The following NINJ2 variants were observed in gnomAD, a reference collection of about 807,000 sequenced individuals.
The protein encoded by NINJ2 is ninjurin-2.
In NINJ2, 12 loss-of-function variants were observed where a neutral mutation model predicts 11.7. The observed-to-expected ratio is 1.02, with a 90% confidence interval of 0.66 to 1.66. NINJ2 has a LOEUF of 1.66. Among genes scored for constraint, NINJ2 ranks in the 40% most tolerant of loss-of-function variants. The pLI, the probability that NINJ2 is intolerant of heterozygous loss-of-function variation, is 0.00. For missense variants in NINJ2, 187 were observed against 181.8 expected (o/e 1.03, Z -0.16); for synonymous variants, 93 against 76.8 (o/e 1.21, Z -1.10).
At chr12:623,969 A>G (rs1948184309) in intron 1 of NINJ2, among the ~76,000 whole-genome samples, 1 of 152,160 alleles carries the variant, frequency 6.6e-6, no homozygotes, top group Non-Finnish European at 1.5e-5. Flanking sequence ...TCAGGAGGTC[A>G]AGGCTGCAGT....
intron 1 of NINJ2, among the ~76,000 whole-genome samples, chr12:658,994 G>T (rs1937916904): frequency 1.3e-5 from 2 of 149,624 alleles, no homozygotes; most frequent in Admixed American, 1.3e-4. Context: ...ACCTAAAACT[G>T]CTATTACATA....
At chr12:638,417 T>TTTTG (rs10633949) in intron 1 of NINJ2, among the ~76,000 whole-genome samples, 123,933 of 151,702 alleles carry the variant, frequency 0.82, 50,858 homozygotes, top group Non-Finnish European at 0.85. Flanking sequence ...ACATTTAGTT[T>TTTTG]TTTGTTTGTT....
intron 3 of NINJ2, among the ~76,000 whole-genome samples, chr12:564,923 C>G (rs1356270471): frequency 6.6e-6 from 1 of 152,266 alleles, no homozygotes; most frequent in Non-Finnish European, 1.5e-5. Flanking sequence ...AATTCCCCAT[C>G]TCCACCTTTC....
At chr12:576,559 G>A (rs1327648209) in intron 1 of NINJ2, among the ~76,000 whole-genome samples, 2 of 152,208 alleles carry the variant, frequency 1.3e-5, no homozygotes, top group African/African-American at 2.4e-5. Flanking sequence ...TGGTGGCCCC[G>A]TCATAGCTCA....
intron 1 of NINJ2, among the ~76,000 whole-genome samples, chr12:652,741 A>G (rs1308475932): frequency 6.6e-6 from 1 of 152,056 alleles, no homozygotes; most frequent in African/African-American, 2.4e-5. Context: ...TGAGGTCACA[A>G]GTTCAAGACC....
At chr12:611,028 C>T (rs937204327) in intron 1 of NINJ2, among the ~76,000 whole-genome samples, 3 of 152,156 alleles carry the variant, frequency 2.0e-5, no homozygotes, top group Non-Finnish European at 2.9e-5. Context: ...AGCCACGGCA[C>T]CTAGGCTGGA....
intron 1 of NINJ2, among the ~76,000 whole-genome samples, chr12:592,382 A>G (rs1006314534): frequency 1.3e-5 from 2 of 152,178 alleles, no homozygotes; most frequent in Non-Finnish European, 2.9e-5. Flanking sequence ...AAGATATTAG[A>G]CACAGATTAC....
rs10661798 is a variant in NINJ2 at position 639,494 on chromosome 12, A to AC, written c.33+23833_33+23834insG. 2.0e-5 allele frequency among the ~76,000 whole-genome samples: 3 copies of AC among 151,828 alleles called. No individual in the cohort carries two copies. The East Asian group carries it at 5.8e-4, about 30-fold the overall frequency. Reference sequence around the variant, plus strand: ...GTTGAAGGTGCTCTTCTTTTTTTCTATTTTGTGTATGCCTCAGTGATGGAT... The same window carrying AC: ...GTTGAAGGTGCTCTTCTTTTTTTCTACTTTTGTGTATGCCTCAGTGATGGAT... On this transcript the variant is annotated intron_variant, in intron 1 of 3. Coordinates refer to ENST00000305108, the MANE Select transcript of NINJ2 (RefSeq NM_016533.6).
intron 1 of NINJ2, among the ~76,000 whole-genome samples, chr12:596,278 G>C (rs1947784537): frequency 1.3e-5 from 2 of 152,176 alleles, no homozygotes; most frequent in South Asian, 4.1e-4. Flanking sequence ...CTCTGTATGA[G>C]GGTATGATGG....
chr12:612,355 A>AAT (rs1948043820), intron 1 of NINJ2, among the ~76,000 whole-genome samples: 1 of 152,076 alleles, frequency 6.6e-6, no homozygotes, highest in African/African-American at 2.4e-5. Flanking sequence ...AGAAACCCCC[A>AAT]ATTCCACACA....
rs574753264 is a variant in NINJ2, at chr12:600,220, G to T, written c.34-34042C>A. 7.4e-4 allele frequency among the ~76,000 whole-genome samples: 112 copies of T among 152,250 alleles called. 2 individuals are homozygous for T. The highest frequency in any genetic ancestry group is 2.7e-3 in the African/African-American group (111 of 41,554). On this transcript the variant is annotated intron_variant, in intron 1 of 3. Coordinates refer to ENST00000305108, the MANE Select transcript of NINJ2 (RefSeq NM_016533.6). ...GTGGTCAAGGCTATGAGGGGAAAAGGTGGTCAAGATAACGAGGGAAATGGA... is the reference window on the plus strand; with the variant it reads ...GTGGTCAAGGCTATGAGGGGAAAAGTTGGTCAAGATAACGAGGGAAATGGA...
chr12:604,459 G>A (rs1056937049), intron 1 of NINJ2, among the ~76,000 whole-genome samples: 1 of 152,086 alleles, frequency 6.6e-6, no homozygotes, highest in African/African-American at 2.4e-5. Flanking sequence ...TCAACATGGT[G>A]AAACCCCGTC....
intron 1 of NINJ2, among the ~76,000 whole-genome samples, chr12:574,283 C>T (rs539203701): frequency 5.2e-4 from 79 of 152,200 alleles, no homozygotes; most frequent in African/African-American, 1.7e-3. Flanking sequence ...GATATTGTGC[C>T]ACTGTACTCC....
intron 1 of NINJ2, among the ~76,000 whole-genome samples, chr12:613,575 C>T (rs1273360662): frequency 6.6e-6 from 1 of 151,798 alleles, no homozygotes; most frequent in Non-Finnish European, 1.5e-5. Context: ...CGACATTACA[C>T]TCCAGACTAG....
At chr12:629,652 C>A (rs2120420120) in intron 1 of NINJ2, among the ~76,000 whole-genome samples, 1 of 151,618 alleles carries the variant, frequency 6.6e-6, no homozygotes, top group South Asian at 2.1e-4. Context: ...CTTTGGGAGG[C>A]CGAGGCAGGT....
chr12:617,824 C>A (rs573603578), intron 1 of NINJ2, among the ~76,000 whole-genome samples: 2 of 152,296 alleles, frequency 1.3e-5, no homozygotes, highest in South Asian at 2.1e-4. Flanking sequence ...GGGCCTCTCC[C>A]TCACAGGTCA....
At position 663,386 on chromosome 12, in the gene NINJ2, C is replaced by T. The variant is rs1295700693; in HGVS notation, c.-26G>A. The T allele has an allele frequency of 3.7e-6, 6 of 1,614,040 alleles. No homozygotes were observed. Among genetic ancestry groups the T allele is most frequent in the East Asian group, 2.2e-5 (1 of 44,896 alleles). The stretch of plus-strand genomic sequence containing the variant: ...CTCGCTGCCCTCAAGTCCCTTCACA[C>T]GCACCGGGTGCCGGGAACAGACTGC... On this transcript the variant is annotated 5_prime_UTR_variant, in exon 1 of 4. In the 5' UTR this introduces an upstream ATG that the reference lacks. Transcript: ENST00000305108.
intron 1 of NINJ2, chr12:610,556 C>A: frequency 6.8e-7 from 1 of 1,461,744 alleles, no homozygotes; most frequent in East Asian, 2.5e-5. Flanking sequence ...CCCACCACAG[C>A]TTCACTGGTG....
intron 1 of NINJ2, among the ~76,000 whole-genome samples, chr12:635,824 C>T (rs1431080152): frequency 6.6e-6 from 1 of 152,224 alleles, no homozygotes; most frequent in Non-Finnish European, 1.5e-5. Context: ...CCTGTAATCC[C>T]AGCACTTCGG....
Sources: gnomAD v4.1 joint callset for allele counts (sites outside exome capture counted in the v4.1 genomes callset) on GRCh38, gnomAD v4.1.1 for gene constraint, MANE v1.5 for transcripts, NCBI Gene and HGNC (gene_info 2026-07-23, HGNC 2026-07-21) for gene names.